The following RASGRF1 variants were observed in gnomAD, a reference collection of about 807,000 sequenced individuals.
The protein encoded by RASGRF1 is Ras protein specific guanine nucleotide releasing factor 1, also known as ras-specific guanine nucleotide-releasing factor 1.
Under a neutral mutation model 138.7 loss-of-function variants are expected in RASGRF1, and 40 were observed. The ratio of observed to expected loss-of-function variants is 0.29; its 90% CI spans 0.22 to 0.38. The LOEUF is 0.38. Ranked by LOEUF, RASGRF1 falls within the 10% of genes least tolerant of loss-of-function variation. The pLI is 1.00. For synonymous variants in RASGRF1, 614 were observed against 663.2 expected (o/e 0.93, Z 1.14); for missense variants, 1,108 against 1,650.4 (o/e 0.67, Z 5.69).
chr15:79,065,893 C>T (rs1000516574), intron 1 of RASGRF1, among the ~76,000 whole-genome samples: 4 of 134,712 alleles, frequency 3.0e-5, no homozygotes, highest in East Asian at 2.2e-4. Context: ...AGGTGGCAGC[C>T]GGGTGTATGT....
chr15:79,018,484 C>A (rs1225318478), intron 11 of RASGRF1, among the ~76,000 whole-genome samples: 1 of 152,206 alleles, frequency 6.6e-6, no homozygotes, highest in Non-Finnish European at 1.5e-5. Flanking sequence ...ACCACAGCTT[C>A]AAGATTCTTT....
intron 4 of RASGRF1, 141 bp downstream of exon 4, chr15:79,049,355 G>T (rs2057397985): frequency 4.0e-6 from 3 of 748,770 alleles, no homozygotes; most frequent in Non-Finnish European, 6.8e-6. Context: ...AGGGAGTGTG[G>T]GCTCTGTCTT....
chr15:79,000,271 C>G (rs927608649), intron 16 of RASGRF1, among the ~76,000 whole-genome samples: 1 of 152,240 alleles, frequency 6.6e-6, no homozygotes, highest in Non-Finnish European at 1.5e-5. Context: ...TTCTTACCCT[C>G]TCAGTCTACT....
intron 26 of RASGRF1, among the ~76,000 whole-genome samples, chr15:78,967,119 C>G (rs1331100119): frequency 2.0e-5 from 3 of 151,564 alleles, no homozygotes; most frequent in Non-Finnish European, 2.9e-5. Context: ...CAGACCCTGT[C>G]TCTATAAAAA....
intron 13 of RASGRF1, among the ~76,000 whole-genome samples, chr15:79,008,858 C>T (rs953395576): frequency 2.0e-5 from 3 of 152,144 alleles, no homozygotes; most frequent in Non-Finnish European, 2.9e-5. Context: ...CGATGTGCAG[C>T]GCTCCGGAAA....
At chr15:79,047,453 A>C (rs2057370430) in intron 4 of RASGRF1, among the ~76,000 whole-genome samples, 1 of 152,234 alleles carries the variant, frequency 6.6e-6, no homozygotes, top group Non-Finnish European at 1.5e-5. Context: ...TGCTGGGCAC[A>C]GCTCATGCCT....
intron 17 of RASGRF1, 109 bp downstream of exon 17, chr15:78,999,634 A>C: frequency 7.3e-7 from 1 of 1,377,400 alleles, no homozygotes; most frequent in South Asian, 1.4e-5. Context: ...CATCCTTAGC[A>C]CACCTTAAAC....
chr15:79,025,836 G>T (rs1436549996), intron 9 of RASGRF1, among the ~76,000 whole-genome samples: 2 of 151,938 alleles, frequency 1.3e-5, no homozygotes, highest in Non-Finnish European at 2.9e-5. Context: ...GCCCCGAGGG[G>T]TTAACAAGAT....
In RASGRF1 at chr15:79,020,081, G is replaced by T; in HGVS notation, c.1566C>A (p.Asp522Glu). ...LTKNGVISLI[D>E]CTLLEEPEST... ...TTTCTGGCTCCTCCAATAAAGTGCAGTCAATGAGGGATATGACTCCATTCT... is the reference window on the plus strand; with the variant it reads ...TTTCTGGCTCCTCCAATAAAGTGCATTCAATGAGGGATATGACTCCATTCT... Residue 522 changes from aspartate (D) to glutamate (E), a missense_variant, in exon 11 of 27, where the codon GAC (aspartate) becomes GAA (glutamate). By Grantham distance (45) the Asp-to-Glu change is conservative (BLOSUM62 2). This residue lies in a region of RASGRF1 where 686 missense variants were observed against 976.7 expected (regional missense o/e 0.70). Coordinates refer to ENST00000558480, the MANE Select transcript of RASGRF1 (RefSeq NM_001145648.3). 2 of 1,614,098 alleles carry T rather than the reference G, an allele frequency of 1.2e-6. No homozygotes were observed. Among genetic ancestry groups the T allele is most frequent in the Non-Finnish European group, 1.7e-6 (2 of 1,180,042 alleles).
chr15:78,999,534 T>C (rs2056471756), intron 17 of RASGRF1, among the ~76,000 whole-genome samples: 1 of 152,062 alleles, frequency 6.6e-6, no homozygotes, highest in Non-Finnish European at 1.5e-5. Flanking sequence ...AAAATAATGA[T>C]TCAGGAAGCT....
intron 10 of RASGRF1, among the ~76,000 whole-genome samples, chr15:79,022,975 C>T (rs961676192): frequency 4.9e-4 from 74 of 152,244 alleles, no homozygotes; most frequent in Middle Eastern, 3.4e-3. Context: ...GAGATCGAGA[C>T]CATCCTGGCT....
chr15:78,971,950 A>G lies in RASGRF1; in HGVS notation c.3613-16T>C. 6.4e-7 allele frequency: 1 copy of G among 1,562,026 alleles called. No homozygotes were observed. On this transcript the variant is annotated splice_polypyrimidine_tract_variant and intron_variant, in intron 25 of 26. Coordinates refer to ENST00000558480, the MANE Select transcript of RASGRF1 (RefSeq NM_001145648.3). ...TATGGGATATCTGTGGGAAGGAAGG[A>G]GTGTTTCAGAATGCAGTTTGCTCTC... is the stretch of plus-strand genomic sequence containing the variant.
At chr15:79,030,917 G>C (rs1398904415) in intron 8 of RASGRF1, among the ~76,000 whole-genome samples, 6 of 152,208 alleles carry the variant, frequency 3.9e-5, no homozygotes, top group African/African-American at 1.4e-4. Flanking sequence ...AGAGGGCCAG[G>C]TGAGGGGCCT....
chr15:78,960,637 C>CTCCAAATAACACCTGAACTG lies in RASGRF1; in HGVS notation c.*1506_*1507insCAGTTCAGGTGTTATTTGGA, dbSNP rs2055530595. The CTCCAAATAACACCTGAACTG allele has an allele frequency of 1.3e-5, 2 of 152,208 alleles. No homozygotes were observed. The highest frequency in any genetic ancestry group is 2.9e-5 in the Non-Finnish European group (2 of 68,066). 9.4% of individuals were successfully genotyped at this position (152,208 alleles called of 1,614,324 possible). On this transcript the variant is annotated 3_prime_UTR_variant, in exon 27 of 27. Transcript: ENST00000558480. ...TGAGTGACTGAAACTTCATGAGAGA[C>CTCCAAATAACACCTGAACTG]TCCAAATAAGAACTGACAGCTGGAC...
chr15:79,026,986 C>T (rs982492825), intron 9 of RASGRF1, among the ~76,000 whole-genome samples: 9 of 152,148 alleles, frequency 5.9e-5, no homozygotes, highest in South Asian at 2.1e-4. Context: ...CACAGGCCAG[C>T]GGGAGGCGCT....
chr15:79,031,492 C>T lies in RASGRF1; in HGVS notation c.1170G>A (p.Leu390=), dbSNP rs765779280. The T allele has an allele frequency of 1.4e-5, 22 of 1,612,552 alleles. No individual in the cohort carries two copies. In the African/African-American group the frequency reaches 2.4e-4, roughly 18 times the overall value. ...TGTGGGCCAGGAGCTCATGGAGGGT[C>T]AGGATGTACCTGGGGATCTGCGGGC... is the stretch of plus-strand genomic sequence containing the variant. ...YPMFQIPRYI[L]TLHELLAHTP... is the part of the protein sequence containing the mutation. The change falls in exon 8 of 27, where the codon CTG becomes CTA. Residue 390 remains leucine (L), a synonymous_variant. Coordinates refer to ENST00000558480, the MANE Select transcript of RASGRF1 (RefSeq NM_001145648.3).
In RASGRF1 at chr15:79,027,666, C is replaced by A; in HGVS notation, c.1381+75G>T. The A allele has an allele frequency of 2.9e-6, 4 of 1,381,054 alleles. No homozygotes were observed. Among genetic ancestry groups the A allele is most frequent in the Non-Finnish European group, 4.1e-6 (4 of 980,084 alleles). 85.5% of individuals were successfully genotyped at this position (1,381,054 alleles called of 1,614,324 possible). Reference sequence around the variant, plus strand: ...TGGCAGCCAAACCAACTGGTGGCGTCCCCGAGTGCCGCCTCCCTCCCGCTG... The same window carrying A: ...TGGCAGCCAAACCAACTGGTGGCGTACCCGAGTGCCGCCTCCCTCCCGCTG... On this transcript the variant is annotated intron_variant, in intron 9 of 26. Coordinates refer to ENST00000558480, the MANE Select transcript of RASGRF1 (RefSeq NM_001145648.3). This position sits in a 1 kb window ranked among gnomAD's most constrained non-coding sequence, Gnocchi z 4.8.
intron 24 of RASGRF1, among the ~76,000 whole-genome samples, chr15:78,977,628 G>T (rs1471046765): frequency 6.6e-6 from 1 of 152,142 alleles, no homozygotes; most frequent in Admixed American, 6.5e-5. Context: ...AGGGTATAGG[G>T]GATGGCCTGG....
chr15:78,980,229 G>A (rs2055991702), intron 24 of RASGRF1: 1 of 159,218 alleles, frequency 6.3e-6, no homozygotes, highest in South Asian at 2.0e-4. Context: ...GAATTCTGGA[G>A]TGAAAAAGGA....
Sources: allele counts gnomAD v4.1 joint callset (sites outside exome capture counted in the v4.1 genomes callset), GRCh38; gene constraint gnomAD v4.1.1; regional missense constraint gnomAD v4.1.1; non-coding constraint Gnocchi (gnomAD v3.1); transcripts MANE v1.5; gene names NCBI Gene and HGNC (gene_info 2026-07-23, HGNC 2026-07-21).